The following XKR4 variants were observed in gnomAD, a reference collection of about 807,000 sequenced individuals.
The protein encoded by XKR4 is XK related 4, also known as XK-related protein 4.
In XKR4, 12 loss-of-function variants were observed where a neutral mutation model predicts 53.9. That is an observed-to-expected ratio of 0.22 (90% CI 0.14 to 0.36). The LOEUF is 0.36. Among genes scored for constraint, XKR4 ranks in the 10% least tolerant of loss-of-function variants. XKR4 has a pLI of 1.00. For synonymous variants in XKR4, 354 were observed against 362.4 expected (o/e 0.98, Z 0.26); for missense variants, 799 against 859.5 (o/e 0.93, Z 0.88).
rs1816084534 is a variant in XKR4 at position 55,103,283 on chromosome 8, G to A, written c.795G>A (p.Gly265=). ...CACTCATCCACATCTTGCAGCTCGG[G>A]CAAATCTGGAGGTACTGTAATGGGT... is the stretch of plus-strand genomic sequence containing the variant. ...LQSLIHILQL[G]QIWRYFHTIY... Residue 265 remains glycine, a synonymous_variant, in exon 1 of 3, where the codon GGG becomes GGA. Transcript: ENST00000327381. 1 of 1,606,970 alleles carries A rather than the reference G, an allele frequency of 6.2e-7. No individual in the cohort carries two copies. The highest frequency in any genetic ancestry group is 1.1e-5 in the South Asian group (1 of 90,142).
intron 1 of XKR4, among the ~76,000 whole-genome samples, chr8:55,162,742 G>A (rs1035214722): frequency 6.6e-6 from 1 of 152,098 alleles, no homozygotes; most frequent in African/African-American, 2.4e-5. Flanking sequence ...ATTACTGTGT[G>A]AAATTGAACT....
intron 2 of XKR4, among the ~76,000 whole-genome samples, chr8:55,369,787 A>G (rs1053241344): frequency 1.3e-5 from 2 of 152,156 alleles, no homozygotes; most frequent in African/African-American, 4.8e-5. Flanking sequence ...TAATGACCAC[A>G]TAACATACCA....
chr8:55,103,007 C>T lies in XKR4; in HGVS notation c.519C>T (p.Thr173=). ...GCTGGTTTGTGCACGATTTCAGCAC[C>T]GAGGACAGCGCCACGGCCGCTGCTG... ...SFRWFVHDFS[T]EDSATAAAAS... is the part of the protein sequence containing the mutation. The change falls in exon 1 of 3, where the codon ACC becomes ACT. Residue 173 remains threonine (T), a synonymous_variant. Transcript: ENST00000327381. 6.2e-7 allele frequency: 1 copy of T among 1,612,262 alleles called. No homozygotes were observed. The highest frequency in any genetic ancestry group is 8.5e-7 in the Non-Finnish European group (1 of 1,179,820).
intron 1 of XKR4, among the ~76,000 whole-genome samples, chr8:55,114,148 A>C (rs1259062353): frequency 1.3e-5 from 2 of 152,180 alleles, no homozygotes; most frequent in Non-Finnish European, 2.9e-5. Flanking sequence ...AGGGATTGCC[A>C]CACTGCTTTC....
intron 1 of XKR4, among the ~76,000 whole-genome samples, chr8:55,154,449 A>G (rs1449738992): frequency 6.6e-6 from 1 of 152,212 alleles, no homozygotes; most frequent in African/African-American, 2.4e-5. Flanking sequence ...TTCTATTTAA[A>G]TTTAATTTTC....
At chr8:55,405,497 C>T (rs964879869) in intron 2 of XKR4, among the ~76,000 whole-genome samples, 3 of 152,148 alleles carry the variant, frequency 2.0e-5, no homozygotes, top group Non-Finnish European at 4.4e-5. Context: ...TCTTGGCTTC[C>T]AAGATTCTAT....
intron 1 of XKR4, among the ~76,000 whole-genome samples, chr8:55,212,502 C>G (rs1169270136): frequency 6.6e-6 from 1 of 152,130 alleles, no homozygotes; most frequent in African/African-American, 2.4e-5. Context: ...GTCAGCTGTG[C>G]CTAAATTCCA....
intron 2 of XKR4, among the ~76,000 whole-genome samples, chr8:55,460,692 C>G (rs1585586486): frequency 6.6e-6 from 1 of 152,078 alleles, no homozygotes. Context: ...CATCGCCTCA[C>G]CCGGGAAGCA....
At chr8:55,371,652 G>C (rs1404043525) in intron 2 of XKR4, among the ~76,000 whole-genome samples, 1 of 152,180 alleles carries the variant, frequency 6.6e-6, no homozygotes, top group African/African-American at 2.4e-5. Context: ...TGGCCATATG[G>C]CTCCACTTTA....
intron 2 of XKR4, among the ~76,000 whole-genome samples, chr8:55,477,715 C>T (rs1806021556): frequency 6.6e-6 from 1 of 151,954 alleles, no homozygotes. Flanking sequence ...CTTAAAGGAG[C>T]TGATGGAGCT....
At chr8:55,426,982 T>C (rs774137330) in intron 2 of XKR4, among the ~76,000 whole-genome samples, 43 of 152,218 alleles carry the variant, frequency 2.8e-4, no homozygotes, top group Non-Finnish European at 5.9e-4. Flanking sequence ...ACAGTTGCTA[T>C]TCACAGCAAA....
At chr8:55,315,354 G>C (rs780092266) in intron 1 of XKR4, among the ~76,000 whole-genome samples, 1 of 152,144 alleles carries the variant, frequency 6.6e-6, no homozygotes, top group African/African-American at 2.4e-5. Flanking sequence ...CCCAGCCTTG[G>C]TCAGTGTCCG....
At chr8:55,241,547 G>C (rs1412118909) in intron 1 of XKR4, among the ~76,000 whole-genome samples, 1 of 152,110 alleles carries the variant, frequency 6.6e-6, no homozygotes, top group African/African-American at 2.4e-5. Context: ...AGTGTACCTG[G>C]CACTGATATG....
intron 2 of XKR4, among the ~76,000 whole-genome samples, chr8:55,359,393 A>G (rs1453355140): frequency 6.6e-6 from 1 of 152,230 alleles, no homozygotes; most frequent in African/African-American, 2.4e-5. Context: ...TGACAGCTCT[A>G]TTCTATCTTT....
intron 2 of XKR4, among the ~76,000 whole-genome samples, chr8:55,424,634 C>A (rs1461467696): frequency 6.6e-6 from 1 of 152,356 alleles, no homozygotes; most frequent in Non-Finnish European, 1.5e-5. Flanking sequence ...ACGTCAGTAT[C>A]ACAAAGAGAA....
chr8:55,132,569 G>A (rs921053359), intron 1 of XKR4, among the ~76,000 whole-genome samples: 1 of 152,166 alleles, frequency 6.6e-6, no homozygotes, highest in Non-Finnish European at 1.5e-5. Context: ...CCACAGGTAA[G>A]TGAAACCATG....
intron 1 of XKR4, among the ~76,000 whole-genome samples, chr8:55,125,406 G>C (rs1816451335): frequency 6.6e-6 from 1 of 152,102 alleles, no homozygotes; most frequent in Admixed American, 6.5e-5. Context: ...GGCTAATTTT[G>C]TATTTTTAGT....
chr8:55,205,203 C>CT (rs1361412642), intron 1 of XKR4, among the ~76,000 whole-genome samples: 1 of 152,094 alleles, frequency 6.6e-6, no homozygotes, highest in African/African-American at 2.4e-5. Flanking sequence ...TTAGGCCAGC[C>CT]TTTTCTAAGA....
intron 1 of XKR4, among the ~76,000 whole-genome samples, chr8:55,262,157 A>G (rs1818535458): frequency 6.6e-6 from 1 of 152,254 alleles, no homozygotes; most frequent in Admixed American, 6.5e-5. Context: ...AATAGGTAGG[A>G]TATTGATAAA....
Sources: allele counts gnomAD v4.1 joint callset (sites outside exome capture counted in the v4.1 genomes callset), GRCh38; gene constraint gnomAD v4.1.1; transcripts MANE v1.5; gene names NCBI Gene and HGNC (gene_info 2026-07-23, HGNC 2026-07-21).